ITGAL: variants seen among roughly 807,000 people sequenced by gnomAD.
The protein encoded by ITGAL is integrin alpha-L.
A neutral mutation model predicts 138.4 loss-of-function variants in ITGAL; 68 were observed. That is an observed-to-expected ratio of 0.49 (90% CI 0.40 to 0.60). The LOEUF (loss-of-function observed/expected upper bound fraction) is 0.60, where lower values mean the gene tolerates loss of function less well. Ranked by LOEUF, ITGAL falls within the 20% of genes least tolerant of loss-of-function variation. The pLI, the probability that ITGAL is intolerant of heterozygous loss-of-function variation, is 0.00. For synonymous variants in ITGAL, 561 were observed against 584.3 expected (o/e 0.96, Z 0.57); for missense variants, 1,256 against 1,478.6 (o/e 0.85, Z 2.47).
At chr16:30,513,104 G>A (rs1276800021) in intron 24 of ITGAL, among the ~76,000 whole-genome samples, 1 of 152,254 alleles carries the variant, frequency 6.6e-6, no homozygotes, top group Non-Finnish European at 1.5e-5. Context: ...AGTTCGTGGA[G>A]AAAGTGCGGC....
At chr16:30,507,400 C>T (rs1291828798) in intron 21 of ITGAL, among the ~76,000 whole-genome samples, 17 of 148,404 alleles carry the variant, frequency 1.1e-4, no homozygotes, top group African/African-American at 4.2e-4. Flanking sequence ...GCGGAGCCTG[C>T]AGCGAGCCGA....
chr16:30,489,499 C>G, intron 11 of ITGAL, 113 bp downstream of exon 11: 1 of 1,025,198 alleles, frequency 9.8e-7, no homozygotes. Context: ...TGAACAAAGT[C>G]AGAGTTTAAA....
At chr16:30,481,309 G>A in intron 6 of ITGAL, 130 bp from the exon 7 acceptor site, 1 of 710,224 alleles carries the variant, frequency 1.4e-6, no homozygotes, top group Non-Finnish European at 2.2e-6. Flanking sequence ...TTGTGCCAGT[G>A]CACTCCAGCC....
At chr16:30,493,410 G>T (rs2050753720) in intron 11 of ITGAL, among the ~76,000 whole-genome samples, 1 of 151,812 alleles carries the variant, frequency 6.6e-6, no homozygotes, top group African/African-American at 2.4e-5. Context: ...CCAAGTAGCT[G>T]GGACTACAGG....
intron 25 of ITGAL, among the ~76,000 whole-genome samples, chr16:30,514,733 T>C (rs1382019524): frequency 6.6e-6 from 1 of 152,092 alleles, no homozygotes; most frequent in Non-Finnish European, 1.5e-5. Flanking sequence ...CTATTCTAAG[T>C]TAGGTATTTA....
chr16:30,501,136 G>A (rs985918911), intron 17 of ITGAL, among the ~76,000 whole-genome samples: 7 of 151,610 alleles, frequency 4.6e-5, no homozygotes, highest in African/African-American at 9.7e-5. Flanking sequence ...ATGAGCCACC[G>A]TGCCCAGCAG....
intron 24 of ITGAL, 59 bp downstream of exon 24, chr16:30,511,195 G>A: frequency 1.5e-6 from 2 of 1,361,548 alleles, no homozygotes; most frequent in Non-Finnish European, 2.1e-6. Context: ...CCCAACCCAG[G>A]GCCCCGACTT....
chr16:30,477,644 T>C (rs1190803853), intron 4 of ITGAL, among the ~76,000 whole-genome samples: 1 of 151,958 alleles, frequency 6.6e-6, no homozygotes, highest in Non-Finnish European at 1.5e-5. Context: ...AAGAAATGAC[T>C]TTGGGAGGCC....
chr16:30,518,872 C>T (rs762643172), intron 29 of ITGAL, among the ~76,000 whole-genome samples, 153 bp downstream of exon 29: 5 of 152,136 alleles, frequency 3.3e-5, no homozygotes, highest in Non-Finnish European at 5.9e-5. Flanking sequence ...TTCTTCTCCC[C>T]TTGGTGGGCA....
In ITGAL at chr16:30,499,175, A is replaced by T. The variant is rs1320384347; in HGVS notation, c.1934A>T (p.Lys645Ile). 2 of 1,613,616 alleles carry T rather than the reference A, an allele frequency of 1.2e-6. No homozygotes were observed. Among genetic ancestry groups the T allele is most frequent in the African/African-American group, 2.7e-5 (2 of 74,556 alleles). ...ECSYSTSNKMKEGVNITICFQ... is the reference protein window; with the variant it reads ...ECSYSTSNKMIEGVNITICFQ... ...TCCTATTCAACCAGTAACAAGATGA[A>T]AGAAGGAGTTAATATCACAATCTGT... Residue 645 changes from lysine to isoleucine, a missense_variant, in exon 16 of 31, where the codon AAA (lysine) becomes ATA (isoleucine). Physicochemically the swap from Lys to Ile is moderately radical, Grantham distance 102. Transcript: ENST00000356798.
chr16:30,516,232 A>AT lies in ITGAL; in HGVS notation c.2863-726dup, dbSNP rs201896943. Among the ~76,000 whole-genome samples, 227 of 143,916 alleles carry AT rather than the reference A, an allele frequency of 1.6e-3. 1 individual carries two copies. The highest frequency in any genetic ancestry group is 5.7e-3 in the East Asian group (28 of 4,908). 94.4% of individuals were successfully genotyped at this position (143,916 alleles called of 152,430 possible). A position where few individuals can be genotyped will look rare whatever the true frequency, so the allele number is the denominator to read the frequency against. On this transcript the variant is annotated intron_variant, in intron 25 of 30. Transcript: ENST00000356798. ...TTTTTTTAATAAAAGGTGCTCAGAA[A>AT]TTTTTTTTTTTTTTTGAGACGGAGT...
intron 20 of ITGAL, 25 bp downstream of exon 20, chr16:30,505,487 GC>G: frequency 6.3e-7 from 1 of 1,580,776 alleles, no homozygotes; most frequent in Non-Finnish European, 8.7e-7. Context: ...CCACCCTCCA[GC>G]CTCCCATCCA....
chr16:30,490,478 A>G (rs1250546642), intron 11 of ITGAL, among the ~76,000 whole-genome samples: 1 of 152,080 alleles, frequency 6.6e-6, no homozygotes, highest in African/African-American at 2.4e-5. Flanking sequence ...CCTTGTGGAA[A>G]CCACAAGAAG....
At chr16:30,517,335 G>A (rs572068569) in intron 26 of ITGAL, among the ~76,000 whole-genome samples, 11 of 152,166 alleles carry the variant, frequency 7.2e-5, no homozygotes, top group South Asian at 2.1e-4. Context: ...GCCCGTGCCC[G>A]TGGTCTCAGC....
Position 30,497,703 on chromosome 16 carries a change from T to G in ITGAL, c.1832+1137T>G, listed in dbSNP as rs188795941. ...CATGTTGGCCAGGCTGGTTTTGAACTCCTGACCTCAAGGGATCCGCCCGTC... is the reference window on the plus strand; with the variant it reads ...CATGTTGGCCAGGCTGGTTTTGAACGCCTGACCTCAAGGGATCCGCCCGTC... On this transcript the variant is annotated intron_variant, in intron 15 of 30. Coordinates refer to ENST00000356798, the MANE Select transcript of ITGAL (RefSeq NM_002209.3). 4.6e-3 allele frequency among the ~76,000 whole-genome samples: 694 copies of G among 151,858 alleles called. 7 individuals are homozygous for G. The highest frequency in any genetic ancestry group is 0.034 in the Middle Eastern group (10 of 294).
At chr16:30,517,119 T>TC in intron 26 of ITGAL, 33 bp downstream of exon 26, 14 of 1,407,404 alleles carry the variant, frequency 9.9e-6, no homozygotes, top group Non-Finnish European at 1.3e-5. Flanking sequence ...GGGTCTACCC[T>TC]CCTCAGGTCT....
intron 17 of ITGAL, 198 bp downstream of exon 17, chr16:30,499,687 GTATATATATGTGTA>G (rs1383455656): frequency 5.8e-5 from 6 of 103,534 alleles, no homozygotes; most frequent in Non-Finnish European, 6.8e-5. Context: ...GTATATATAT[GTATATATATGTGTA>G]TATATATATA....
At chr16:30,506,975 C>A in intron 21 of ITGAL, 119 bp downstream of exon 21, 1 of 1,095,578 alleles carries the variant, frequency 9.1e-7, no homozygotes, top group Non-Finnish European at 1.3e-6. Flanking sequence ...GGACAGGGGT[C>A]TTAGGGTCAT....
At chr16:30,518,477 A>T in intron 28 of ITGAL, 147 bp from the exon 29 acceptor site, 1 of 586,950 alleles carries the variant, frequency 1.7e-6, no homozygotes, top group East Asian at 2.8e-5. Context: ...GAAAGAAAAG[A>T]ATGCCACAAT....
Sources: gnomAD v4.1 joint callset for allele counts (sites outside exome capture counted in the v4.1 genomes callset) on GRCh38, gnomAD v4.1.1 for gene constraint, MANE v1.5 for transcripts, NCBI Gene and HGNC (gene_info 2026-07-23, HGNC 2026-07-21) for gene names.